The following MYCT1 variants were observed in gnomAD, a reference collection of about 807,000 sequenced individuals.
The protein encoded by MYCT1 is MYC target 1, also known as myc target protein 1.
In MYCT1, 12 loss-of-function variants were observed where a neutral mutation model predicts 15.0. The ratio of observed to expected loss-of-function variants is 0.80; its 90% confidence interval spans 0.51 to 1.29. The LOEUF (loss-of-function observed/expected upper bound fraction) is 1.29, where lower values mean the gene tolerates loss of function less well. Among genes scored for constraint, MYCT1 ranks in the 50% most tolerant of loss-of-function variants. The pLI is 0.00. For synonymous variants in MYCT1, 104 were observed against 102.7 expected, an observed-to-expected ratio of 1.01 and a Z score of -0.07; for missense variants, 287 against 279.1, an observed-to-expected ratio of 1.03 and a Z score of -0.20.
At chr6:152,717,722 A>G (rs898888526) in intron 1 of MYCT1, among the ~76,000 whole-genome samples, 7 of 152,136 alleles carry the variant, frequency 4.6e-5, no homozygotes, top group Non-Finnish European at 7.3e-5. Flanking sequence ...AGTCTCAGGT[A>G]TGTCTTTATC....
chr6:152,734,826 T>A, the MYCT1 span, among the ~76,000 whole-genome samples: 1 of 152,244 alleles, frequency 6.6e-6, no homozygotes, highest in Non-Finnish European at 1.5e-5. Flanking sequence ...AATCTTGTGC[T>A]ATCTTTACCA....
intron 1 of MYCT1, among the ~76,000 whole-genome samples, chr6:152,707,988 G>A (rs1206033394): frequency 6.6e-6 from 1 of 151,802 alleles, no homozygotes; most frequent in East Asian, 1.9e-4. Context: ...ATACAACTTA[G>A]GGTCATTTGT....
the MYCT1 span, among the ~76,000 whole-genome samples, chr6:152,740,573 G>A: frequency 6.6e-6 from 1 of 152,090 alleles, no homozygotes; most frequent in Admixed American, 6.6e-5. Context: ...TTTATGAAGT[G>A]TTGGAAATTA....
chr6:152,739,227 T>G, the MYCT1 span, among the ~76,000 whole-genome samples: 1 of 151,790 alleles, frequency 6.6e-6, no homozygotes, highest in South Asian at 2.1e-4. Flanking sequence ...TGATTGGAGA[T>G]TATAATTTAT....
At chr6:152,730,501 T>C in the MYCT1 span, among the ~76,000 whole-genome samples, 13 of 152,218 alleles carry the variant, frequency 8.5e-5, no homozygotes, top group African/African-American at 1.9e-4. Flanking sequence ...CCCCTCAAAA[T>C]TGAAGTGGTT....
intron 1 of MYCT1, among the ~76,000 whole-genome samples, chr6:152,704,190 C>T (rs1449540014): frequency 2.6e-5 from 4 of 151,716 alleles, no homozygotes; most frequent in African/African-American, 9.7e-5. Context: ...TTTGTAGAGA[C>T]AAGGCTTTGC....
chr6:152,703,940 T>TTTTTTATTTTATTTTA (rs1422135055), intron 1 of MYCT1, among the ~76,000 whole-genome samples: 108 of 123,102 alleles, frequency 8.8e-4, no homozygotes, highest in Admixed American at 1.4e-3. Flanking sequence ...TTTTCCCTGT[T>TTTTTTATTTTATTTTA]TTTTATTTTA....
intron 1 of MYCT1, among the ~76,000 whole-genome samples, chr6:152,702,667 A>G (rs1452123193): frequency 6.6e-6 from 1 of 152,188 alleles, no homozygotes; most frequent in Non-Finnish European, 1.5e-5. Flanking sequence ...GAACAGGTTT[A>G]TGGCCTGGGC....
At chr6:152,741,684 G>C in the MYCT1 span, among the ~76,000 whole-genome samples, 5 of 152,220 alleles carry the variant, frequency 3.3e-5, no homozygotes, top group East Asian at 9.6e-4. Context: ...TCCCTTTTCT[G>C]TTGTGAAGTT....
the MYCT1 span, among the ~76,000 whole-genome samples, chr6:152,731,197 AG>A: frequency 3.1e-4 from 46 of 149,164 alleles, 1 homozygote; most frequent in African/African-American, 1.1e-3. Flanking sequence ...GGCAGGCAAA[AG>A]TATGTTAGTG....
chr6:152,739,103 TA>T, the MYCT1 span, among the ~76,000 whole-genome samples: 12 of 151,878 alleles, frequency 7.9e-5, no homozygotes, highest in Non-Finnish European at 1.8e-4. Flanking sequence ...AGGATACTTT[TA>T]AAAAAATAAA....
rs148644261 is a variant in MYCT1 at position 152,721,807 on chromosome 6, G to T, written c.262G>T (p.Ala88Ser). 6.2e-7 allele frequency: 1 copy of T among 1,613,990 alleles called. No individual in the cohort carries two copies. Among genetic ancestry groups the T allele is most frequent in the Non-Finnish European group, 8.5e-7 (1 of 1,179,978 alleles). The part of the protein sequence containing the change: ...IGLVLGGFIW[A>S]VFICLSRRRR... ...GCTGGTACTTGGAGGATTTATTTGG[G>T]CTGTGTTCATTTGTCTGTCTCGAAG... The change falls in exon 2 of 2, where the codon GCT (alanine) becomes TCT (serine). Residue 88 changes from alanine to serine, a missense_variant. Coordinates refer to ENST00000367245, the MANE Select transcript of MYCT1 (RefSeq NM_025107.3).
chr6:152,729,128 T>C (rs1037591895), downstream of MYCT1, among the ~76,000 whole-genome samples: 13 of 152,168 alleles, frequency 8.5e-5, no homozygotes, highest in African/African-American at 2.7e-4. Flanking sequence ...CAATTAGGAA[T>C]AGAATTTTTC....
At chr6:152,735,620 A>C in the MYCT1 span, among the ~76,000 whole-genome samples, 1 of 152,162 alleles carries the variant, frequency 6.6e-6, no homozygotes, top group Non-Finnish European at 1.5e-5. Context: ...AAAGTTTAGA[A>C]GTTTTGGCAA....
chr6:152,730,840 T>C, the MYCT1 span, among the ~76,000 whole-genome samples: 1 of 152,196 alleles, frequency 6.6e-6, no homozygotes, highest in East Asian at 1.9e-4. Flanking sequence ...TACTGCTTTA[T>C]TTCTGAAGCT....
At chr6:152,743,870 A>G in the MYCT1 span, among the ~76,000 whole-genome samples, 5 of 152,230 alleles carry the variant, frequency 3.3e-5, no homozygotes, top group African/African-American at 1.2e-4. Context: ...AGTACAGGGA[A>G]GTAACTACAG....
At chr6:152,746,546 G>GGAAAGA in the MYCT1 span, among the ~76,000 whole-genome samples, 1 of 152,198 alleles carries the variant, frequency 6.6e-6, no homozygotes, top group Admixed American at 6.5e-5. Flanking sequence ...CTGAAATCAT[G>GGAAAGA]GAAAGAGAAA....
At chr6:152,713,155 A>G (rs1047028785) in intron 1 of MYCT1, among the ~76,000 whole-genome samples, 1 of 151,764 alleles carries the variant, frequency 6.6e-6, no homozygotes, top group South Asian at 2.1e-4. Context: ...AAGTTGGCCG[A>G]TTCTTTTCTC....
At chr6:152,745,016 G>A in the MYCT1 span, among the ~76,000 whole-genome samples, 1 of 152,202 alleles carries the variant, frequency 6.6e-6, no homozygotes, top group African/African-American at 2.4e-5. Context: ...GAGACCAGCT[G>A]GAACAACTGA....
Sources: allele counts gnomAD v4.1 joint callset (sites outside exome capture counted in the v4.1 genomes callset), GRCh38; gene constraint gnomAD v4.1.1; transcripts MANE v1.5; gene names NCBI Gene and HGNC (gene_info 2026-07-23, HGNC 2026-07-21).